MTF2: variants seen among roughly 807,000 people sequenced by gnomAD.
MTF2 encodes the protein metal-response element-binding transcription factor 2.
A neutral mutation model predicts 79.5 loss-of-function variants in MTF2; 11 were observed. That is an observed-to-expected ratio of 0.14 (90% CI 0.09 to 0.23). MTF2 has a LOEUF of 0.23. MTF2 is among the 10% of genes least tolerant of loss of function. The pLI, the probability that MTF2 is intolerant of heterozygous loss-of-function variation, is 1.00. For missense variants in MTF2, 486 were observed against 711.2 expected, an observed-to-expected ratio of 0.68 and a Z score of 3.60; for synonymous variants, 208 against 232.8, an observed-to-expected ratio of 0.89 and a Z score of 0.97.
chr1:93,107,578 G>A (rs1013390701), intron 1 of MTF2, among the ~76,000 whole-genome samples: 2 of 152,168 alleles, frequency 1.3e-5, no homozygotes, highest in African/African-American at 4.8e-5. Context: ...TTGTGCCATT[G>A]TTTGAGTTGC....
At chr1:93,117,864 T>A (rs907495250) in intron 6 of MTF2, among the ~76,000 whole-genome samples, 2 of 151,682 alleles carry the variant, frequency 1.3e-5, no homozygotes, top group Non-Finnish European at 2.9e-5. Context: ...TCAGTTTTAC[T>A]TAAAAAAAAA....
chr1:93,095,298 A>G (rs1309347313), intron 1 of MTF2, among the ~76,000 whole-genome samples: 7 of 152,066 alleles, frequency 4.6e-5, no homozygotes, highest in African/African-American at 1.4e-4. Context: ...CTGGCTTCCA[A>G]GTGTCCTTTT....
chr1:93,096,709 T>C (rs1046916433), intron 1 of MTF2, among the ~76,000 whole-genome samples: 7 of 152,198 alleles, frequency 4.6e-5, no homozygotes, highest in South Asian at 2.1e-4. Flanking sequence ...GTTTTTAATA[T>C]GTGCTTTTTG....
chr1:93,081,391 G>A (rs1385128472), intron 1 of MTF2, among the ~76,000 whole-genome samples: 1 of 152,124 alleles, frequency 6.6e-6, no homozygotes, highest in African/African-American at 2.4e-5. Flanking sequence ...TCTGACTTGA[G>A]GAAACTGACA....
rs572123305 is a variant in MTF2 at position 93,111,125 on chromosome 1, G to A, written c.286+499G>A. ...GCTATATTTGTGTGCCAATAAAAAT[G>A]AATGAAAGTATGCCTTGGTTTGGTT... On this transcript the variant is annotated intron_variant, in intron 3 of 14. Coordinates refer to ENST00000370298, the MANE Select transcript of MTF2 (RefSeq NM_007358.4). Among the ~76,000 whole-genome samples, 20 of 152,234 alleles carry A rather than the reference G, an allele frequency of 1.3e-4. No homozygotes were observed. The South Asian group carries it at 3.7e-3, about 28-fold the overall frequency.
chr1:93,104,695 AGTAGAT>A (rs1317701488), intron 1 of MTF2, among the ~76,000 whole-genome samples: 13 of 142,166 alleles, frequency 9.1e-5, no homozygotes, highest in African/African-American at 2.7e-4. Flanking sequence ...AAAAAAAAAA[AGTAGAT>A]AAAGATGAAA....
At chr1:93,114,528 CAG>C (rs144056393) in intron 3 of MTF2, among the ~76,000 whole-genome samples, 158 bp from the exon 4 acceptor site, 3 of 152,326 alleles carry the variant, frequency 2.0e-5, no homozygotes, top group Non-Finnish European at 2.9e-5. Context: ...AGAAAGAACA[CAG>C]AGAGCAGAGA....
chr1:93,090,943 G>A (rs1181621573), intron 1 of MTF2, among the ~76,000 whole-genome samples: 1 of 152,188 alleles, frequency 6.6e-6, no homozygotes, highest in Non-Finnish European at 1.5e-5. Flanking sequence ...GATTACAGGC[G>A]TGAGCCACCG....
chr1:93,122,682 A>C (rs749494859), intron 9 of MTF2, among the ~76,000 whole-genome samples: 5 of 152,176 alleles, frequency 3.3e-5, no homozygotes, highest in Non-Finnish European at 5.9e-5. Flanking sequence ...AGAGACTAAT[A>C]ATTTCTTACT....
intron 3 of MTF2, 94 bp downstream of exon 3, chr1:93,110,720 A>T: frequency 9.9e-7 from 1 of 1,010,192 alleles, no homozygotes; most frequent in Non-Finnish European, 1.5e-6. Context: ...AATACAGTGT[A>T]TTTAGATAAC....
chr1:93,126,979 G>T (rs997025828), intron 9 of MTF2, among the ~76,000 whole-genome samples: 2 of 152,002 alleles, frequency 1.3e-5, no homozygotes, highest in Non-Finnish European at 2.9e-5. Context: ...TAAACATATC[G>T]TTGGATTAAT....
intron 6 of MTF2, among the ~76,000 whole-genome samples, chr1:93,117,890 T>G (rs997209349): frequency 2.0e-5 from 3 of 152,084 alleles, no homozygotes; most frequent in Admixed American, 2.0e-4. Flanking sequence ...CCTAGCTTGG[T>G]GGTGCATGCC....
In MTF2 at chr1:93,110,415, G is replaced by C; in HGVS notation, c.191G>C (p.Gly64Ala). 1 of 1,614,074 alleles carries C rather than the reference G, an allele frequency of 6.2e-7. No homozygotes were observed. The highest frequency in any genetic ancestry group is 8.5e-7 in the Non-Finnish European group (1 of 1,179,970). ...ARWSDGLFYL[G>A]TIKKINILKQ... is the part of the protein sequence containing the mutation. ...TGGTCAGATGGCTTGTTTTATCTTG[G>C]CACTATCAAAAAGGCAAGTTACTTT... The change falls in exon 2 of 15, where the codon GGC becomes GCC. Residue 64 changes from glycine (G) to alanine (A), a missense_variant. By Grantham distance (60) the Gly-to-Ala change is moderately conservative. Around this residue, in one of 4 missense-constraint regions of MTF2, gnomAD observed 75 missense variants for 83.8 expected, o/e 0.89. Coordinates refer to ENST00000370298, the MANE Select transcript of MTF2 (RefSeq NM_007358.4).
chr1:93,079,922 G>T (rs1654531324), intron 1 of MTF2, among the ~76,000 whole-genome samples: 1 of 151,964 alleles, frequency 6.6e-6, no homozygotes, highest in Non-Finnish European at 1.5e-5. Context: ...AATGGGGGCT[G>T]AGGGAAATGT....
At chr1:93,110,761 A>G in intron 3 of MTF2, 135 bp downstream of exon 3, 4 of 711,228 alleles carry the variant, frequency 5.6e-6, no homozygotes, top group Non-Finnish European at 9.5e-6. Flanking sequence ...AGGTTAAAAA[A>G]TCAGCATAGT....
In MTF2 at chr1:93,134,198, A is replaced by T. The variant is rs1647274803; in HGVS notation, c.1424+3A>T. On this transcript the variant is annotated splice_donor_region_variant and intron_variant, in intron 14 of 14. Transcript: ENST00000370298. The stretch of plus-strand genomic sequence containing the variant: ...TCTAGCATTTCCAGGCATTATGGGT[A>T]GATATTTTACATTCTTATTTTTTTT... The T allele has an allele frequency of 3.8e-6, 6 of 1,580,974 alleles. No individual in the cohort carries two copies. In the South Asian group the frequency reaches 6.8e-5, roughly 18 times the overall value.
Position 93,120,630 on chromosome 1 carries a change from G to A in MTF2, c.879G>A (p.Met293Ile). 1 of 1,611,424 alleles carries A rather than the reference G, an allele frequency of 6.2e-7. No homozygotes were observed. Among genetic ancestry groups the A allele is most frequent in the Non-Finnish European group, 8.5e-7 (1 of 1,179,048 alleles). ...ACTTTGATTCTGAACTTGAGCTTAT[G>A]ACATACATTAATGAAAACTGGGATA... Reference protein sequence around the residue: ...KKYFDSELELMTYINENWDRL... With the variant: ...KKYFDSELELITYINENWDRL... Residue 293 changes from methionine (M) to isoleucine (I), a missense_variant, in exon 9 of 15, where the codon ATG becomes ATA. Met to Ile is a conservative substitution (Grantham distance 10). Transcript: ENST00000370298.
In MTF2 at chr1:93,136,708, C is replaced by G. The variant is rs763234602; in HGVS notation, c.1463C>G (p.Ser488Cys). 8 of 1,614,110 alleles carry G rather than the reference C, an allele frequency of 5.0e-6. No individual in the cohort carries two copies. The highest frequency in any genetic ancestry group is 5.9e-6 in the Non-Finnish European group (7 of 1,180,012). The change falls in exon 15 of 15, where the codon TCT (serine) becomes TGT (cysteine). Residue 488 changes from serine to cysteine, a missense_variant. Ser to Cys is a moderately radical substitution (Grantham distance 112, BLOSUM62 -1). Transcript: ENST00000370298. ...DSRKRTRTGR[S>C]WPAAIPHLRR... is the part of the protein sequence containing the mutation. ...AGAAAAAGAACGCGTACAGGAAGAT[C>G]TTGGCCTGCTGCAATACCACATTTG... is the stretch of plus-strand genomic sequence containing the variant.
intron 14 of MTF2, 176 bp downstream of exon 14, chr1:93,134,371 T>A (rs1647288996): frequency 1.7e-6 from 1 of 572,216 alleles, no homozygotes; most frequent in Non-Finnish European, 3.0e-6. Flanking sequence ...ATTTGAAATA[T>A]TTTTGCTTTC....
Sources: allele counts gnomAD v4.1 joint callset (sites outside exome capture counted in the v4.1 genomes callset), GRCh38; gene constraint gnomAD v4.1.1; regional missense constraint gnomAD v4.1.1; transcripts MANE v1.5; gene names NCBI Gene and HGNC (gene_info 2026-07-23, HGNC 2026-07-21).